ZMYM4: variants seen among roughly 807,000 people sequenced by gnomAD.
ZMYM4 encodes the protein zinc finger MYM-type containing 4.
ZMYM4 carries 31 observed loss-of-function variants against 183.2 expected under a neutral mutation model. That is an observed-to-expected ratio of 0.17 (90% CI 0.13 to 0.23). The LOEUF (loss-of-function observed/expected upper bound fraction) is 0.23. Ranked by LOEUF, ZMYM4 falls within the 10% of genes least tolerant of loss-of-function variation. The pLI, the probability that ZMYM4 is intolerant of heterozygous loss-of-function variation, is 1.00. For synonymous variants in ZMYM4, 592 were observed against 631.2 expected (o/e 0.94, Z 0.93); for missense variants, 1,273 against 1,840.3 (o/e 0.69, Z 5.64).
At position 35,316,908 on chromosome 1, in the gene ZMYM4, G is replaced by A. The variant is rs556984087; in HGVS notation, c.40-8452G>A. 8.6e-5 allele frequency among the ~76,000 whole-genome samples: 13 copies of A among 151,952 alleles called. 2 individuals carry two copies. The highest frequency in any genetic ancestry group is 2.7e-4 in the African/African-American group (11 of 41,426). On this transcript the variant is annotated intron_variant, in intron 1 of 29. Coordinates refer to ENST00000314607, the MANE Select transcript of ZMYM4 (RefSeq NM_005095.3). The stretch of plus-strand genomic sequence containing the variant: ...AGGCTGAGGCGGGCGGATCACCTGA[G>A]GTCAGGAGTTTGTGACCAGCCTGGC...
At chr1:35,293,043 C>T (rs1165409363) in intron 1 of ZMYM4, among the ~76,000 whole-genome samples, 1 of 151,562 alleles carries the variant, frequency 6.6e-6, no homozygotes, top group East Asian at 1.9e-4. Flanking sequence ...CTCTGTCACC[C>T]AGGCTGGAGT....
At position 35,399,182 on chromosome 1, in the gene ZMYM4, A is replaced by G. The variant is rs914818330; in HGVS notation, c.3433+139A>G. On this transcript the variant is annotated intron_variant, in intron 22 of 29. Transcript: ENST00000314607. Reference sequence around the variant, plus strand: ...GTTAGAGGTCATAATCTAGAGCACAAATAGACCCTGGCTTTGTAGGTGTTA... The same window carrying G: ...GTTAGAGGTCATAATCTAGAGCACAGATAGACCCTGGCTTTGTAGGTGTTA... The G allele has an allele frequency of 5.5e-5, 52 of 937,772 alleles. 1 individual carries two copies. The Admixed American group carries it at 1.2e-3, about 21-fold the overall frequency. 58.1% of individuals were successfully genotyped at this position (937,772 alleles called of 1,614,324 possible). A position where few individuals can be genotyped will look rare whatever the true frequency, so the allele number is the denominator to read the frequency against.
At chr1:35,302,200 C>CCTTTTTTTTTTTTT (rs1641311910) in intron 1 of ZMYM4, among the ~76,000 whole-genome samples, 2 of 58,556 alleles carry the variant, frequency 3.4e-5, no homozygotes, top group African/African-American at 1.3e-4. Context: ...ACGGCTCTTG[C>CCTTTTTTTTTTTTT]TTTTTTTTTT....
At chr1:35,379,914 C>A (rs1420439744) in intron 7 of ZMYM4, among the ~76,000 whole-genome samples, 4 of 152,106 alleles carry the variant, frequency 2.6e-5, no homozygotes, top group African/African-American at 9.7e-5. Flanking sequence ...TGGTTACTTC[C>A]CAAAACAATT....
chr1:35,404,884 T>G, intron 23 of ZMYM4, 139 bp from the exon 24 acceptor site: 1 of 808,370 alleles, frequency 1.2e-6, no homozygotes, highest in Admixed American at 3.1e-5. Context: ...CCTTTCTTGC[T>G]CTAAGAACTC....
At chr1:35,392,403 T>G (rs1469889813) in intron 16 of ZMYM4, 51 bp downstream of exon 16, 1 of 1,577,378 alleles carries the variant, frequency 6.3e-7, no homozygotes, top group Non-Finnish European at 8.6e-7. Context: ...TTGAATGCAG[T>G]GGTCCCCTAA....
chr1:35,385,643 TA>T (rs1558139492), intron 10 of ZMYM4, 51 bp downstream of exon 10: 2 of 1,537,524 alleles, frequency 1.3e-6, no homozygotes, highest in Non-Finnish European at 1.7e-6. Flanking sequence ...AAATAATGGT[TA>T]TTGCTTTGTT....
intron 1 of ZMYM4, among the ~76,000 whole-genome samples, chr1:35,279,153 T>A (rs1389537801): frequency 1.3e-5 from 2 of 152,160 alleles, no homozygotes; most frequent in Admixed American, 1.3e-4. Flanking sequence ...TCGCCTTCAG[T>A]CATTTTTACT....
At chr1:35,361,309 T>C in intron 4 of ZMYM4, 54 bp downstream of exon 4, 3 of 1,500,504 alleles carry the variant, frequency 2.0e-6, no homozygotes, top group Middle Eastern at 3.5e-4. Flanking sequence ...TGTCAAAGTT[T>C]TCTTTATGTC....
Position 35,415,718 on chromosome 1 carries a change from C to T in ZMYM4, c.4309+4C>T, listed in dbSNP as rs201913653. 571 of 1,609,036 alleles carry T rather than the reference C, an allele frequency of 3.5e-4. 2 individuals carry two copies. Among genetic ancestry groups the T allele is most frequent in the Admixed American group, 4.5e-4 (27 of 59,980 alleles). ...CAGAAGCAGGAGTCAGAACCAGGTACGGGATACTGTTTGTCAGATTTCTCT... is the reference window on the plus strand; with the variant it reads ...CAGAAGCAGGAGTCAGAACCAGGTATGGGATACTGTTTGTCAGATTTCTCT... On this transcript the variant is annotated splice_donor_region_variant and intron_variant, in intron 28 of 29. Transcript: ENST00000314607.
rs536191590 is a variant in ZMYM4, at chr1:35,368,603, AT to A, written c.841-1420del. On this transcript the variant is annotated intron_variant, in intron 5 of 29. Transcript: ENST00000314607. ...TACTGGAGTAAATATAATTAAGAAC[AT>A]TTTTTGGGGAGGAAAACAACCTGTC... 6.3e-3 allele frequency among the ~76,000 whole-genome samples: 954 copies of A among 152,282 alleles called. 5 individuals carry two copies. The highest frequency in any genetic ancestry group is 0.01 in the Middle Eastern group (3 of 294).
intron 7 of ZMYM4, among the ~76,000 whole-genome samples, chr1:35,380,239 A>G (rs1294590812): frequency 1.3e-5 from 2 of 152,206 alleles, no homozygotes; most frequent in African/African-American, 2.4e-5. Context: ...ATGTGGATGT[A>G]TACTCATGGG....
At chr1:35,394,923 G>A (rs1217874022) in intron 18 of ZMYM4, among the ~76,000 whole-genome samples, 2 of 151,992 alleles carry the variant, frequency 1.3e-5, no homozygotes, top group African/African-American at 2.4e-5. Flanking sequence ...AGACCAGCAC[G>A]GGCAACATAG....
intron 11 of ZMYM4, 146 bp from the exon 12 acceptor site, chr1:35,386,857 G>A (rs573617775): frequency 2.6e-4 from 208 of 803,124 alleles, no homozygotes; most frequent in South Asian, 1.0e-3. Context: ...CCCCCATTCC[G>A]TAATAAGCTG....
Position 35,398,441 on chromosome 1 carries a change from T to C in ZMYM4, c.3228T>C (p.Phe1076=). The C allele has an allele frequency of 6.2e-7, 1 of 1,612,104 alleles. No homozygotes were observed. The highest frequency in any genetic ancestry group is 1.7e-5 in the Admixed American group (1 of 59,642). The change falls in exon 21 of 30, where the codon TTT becomes TTC. Residue 1076 remains phenylalanine, a synonymous_variant. Coordinates refer to ENST00000314607, the MANE Select transcript of ZMYM4 (RefSeq NM_005095.3). Reference sequence around the variant, plus strand: ...CCCAAACTTCTGAACACGAACTCTTTCTAGACACCAAGATATTTGAAAAAG... The same window carrying C: ...CCCAAACTTCTGAACACGAACTCTTCCTAGACACCAAGATATTTGAAAAAG... ...GESQTSEHEL[F]LDTKIFEKDQ...
In ZMYM4 at chr1:35,398,456, AT is replaced by A; in HGVS notation, c.3246del (p.Phe1082LeufsTer28). 6.2e-7 allele frequency: 1 copy of A among 1,612,072 alleles called. No homozygotes were observed. The highest frequency in any genetic ancestry group is 8.5e-7 in the Non-Finnish European group (1 of 1,179,222). On this transcript the variant is annotated frameshift_variant, in exon 21 of 30. Transcript: ENST00000314607. LOFTEE classifies it high-confidence loss of function. ...ACGAACTCTTTCTAGACACCAAGAT[AT>A]TTGAAAAAGGTTTGTAGTTGAAAAT... is the stretch of plus-strand genomic sequence containing the variant. ...EHELFLDTKI[F>X]EKDQGSTYSG...
At chr1:35,306,198 A>T (rs559365165) in intron 1 of ZMYM4, among the ~76,000 whole-genome samples, 21 of 152,170 alleles carry the variant, frequency 1.4e-4, no homozygotes, top group African/African-American at 5.1e-4. Context: ...TTGTATTTAG[A>T]GGTTATTGTA....
intron 1 of ZMYM4, among the ~76,000 whole-genome samples, chr1:35,282,416 G>A (rs904402618): frequency 6.6e-6 from 1 of 152,196 alleles, no homozygotes; most frequent in Non-Finnish European, 1.5e-5. Flanking sequence ...CACCAGAATT[G>A]TGAGCTACAT....
intron 1 of ZMYM4, among the ~76,000 whole-genome samples, chr1:35,316,033 C>G (rs932732808): frequency 2.6e-5 from 4 of 152,248 alleles, no homozygotes; most frequent in African/African-American, 9.6e-5. Context: ...AACAAGTATT[C>G]AGTGTCCATT....
Sources: allele counts gnomAD v4.1 joint callset (sites outside exome capture counted in the v4.1 genomes callset), GRCh38; gene constraint gnomAD v4.1.1; transcripts MANE v1.5; gene names NCBI Gene and HGNC (gene_info 2026-07-23, HGNC 2026-07-21).